MAGI2: variants seen among roughly 807,000 people sequenced by gnomAD.
MAGI2 encodes the protein membrane associated guanylate kinase, WW and PDZ domain containing 2, also known as membrane-associated guanylate kinase, WW and PDZ domain-containing protein 2.
In MAGI2, 35 loss-of-function variants were observed where a neutral mutation model predicts 133.3. The observed-to-expected ratio is 0.26, with a 90% confidence interval of 0.20 to 0.35. The LOEUF (loss-of-function observed/expected upper bound fraction) is 0.35. Among genes scored for constraint, MAGI2 ranks in the 10% least tolerant of loss-of-function variants. The pLI is 1.00. For synonymous variants in MAGI2, 729 were observed against 710.6 expected (o/e 1.03, Z -0.41); for missense variants, 1,636 against 1,863.4 (o/e 0.88, Z 2.25).
intron 2 of MAGI2, among the ~76,000 whole-genome samples, chr7:78,827,395 C>T (rs1790757259): frequency 6.6e-6 from 1 of 152,152 alleles, no homozygotes; most frequent in African/African-American, 2.4e-5. Context: ...CCTCCTGCCT[C>T]AGCCTCCTGA....
At chr7:79,026,799 G>A (rs1235702314) in intron 1 of MAGI2, among the ~76,000 whole-genome samples, 1 of 151,770 alleles carries the variant, frequency 6.6e-6, no homozygotes. Flanking sequence ...CTTGAGCCCC[G>A]AGAGGCGGAG....
At chr7:79,432,744 CT>C (rs1847860000) in intron 1 of MAGI2, among the ~76,000 whole-genome samples, 1 of 152,156 alleles carries the variant, frequency 6.6e-6, no homozygotes, top group Non-Finnish European at 1.5e-5. Context: ...GTCTATTCCC[CT>C]GTCAGAAAAT....
At chr7:79,083,650 G>T (rs1816246721) in intron 1 of MAGI2, among the ~76,000 whole-genome samples, 1 of 151,506 alleles carries the variant, frequency 6.6e-6, no homozygotes, top group Non-Finnish European at 1.5e-5. Context: ...TTATGTATTT[G>T]TTGGGTTATT....
At chr7:78,992,863 T>C (rs1805918582) in intron 2 of MAGI2, among the ~76,000 whole-genome samples, 1 of 152,076 alleles carries the variant, frequency 6.6e-6, no homozygotes, top group Non-Finnish European at 1.5e-5. Flanking sequence ...TTTACTTTTT[T>C]CAAACTATAA....
chr7:78,802,873 C>T (rs1473010391), intron 2 of MAGI2, among the ~76,000 whole-genome samples: 2 of 151,198 alleles, frequency 1.3e-5, no homozygotes, highest in South Asian at 2.1e-4. Flanking sequence ...ATCTCCATAC[C>T]TTCTGCTCAA....
At chr7:78,702,092 T>C (rs1057156717) in intron 2 of MAGI2, among the ~76,000 whole-genome samples, 1 of 152,030 alleles carries the variant, frequency 6.6e-6, no homozygotes, top group Non-Finnish European at 1.5e-5. Context: ...AGTGCAATTA[T>C]GTCTAGAGTT....
intron 2 of MAGI2, among the ~76,000 whole-genome samples, chr7:78,732,803 T>G (rs914452910): frequency 2.2e-5 from 3 of 136,078 alleles, no homozygotes; most frequent in Non-Finnish European, 4.9e-5. Context: ...TTTTTTGTAT[T>G]TTAAAATTTT....
At chr7:79,058,779 T>C (rs1018874252) in intron 1 of MAGI2, among the ~76,000 whole-genome samples, 2 of 152,072 alleles carry the variant, frequency 1.3e-5, no homozygotes, top group African/African-American at 4.8e-5. Flanking sequence ...CTGAATAGAA[T>C]TGCAGTGGAC....
chr7:78,276,176 G>C (rs1795039192), intron 9 of MAGI2, among the ~76,000 whole-genome samples: 1 of 152,164 alleles, frequency 6.6e-6, no homozygotes, highest in Non-Finnish European at 1.5e-5. Flanking sequence ...AAGTCTGCTA[G>C]TCGATCTTTC....
chr7:79,325,999 C>T (rs1839667825), intron 1 of MAGI2, among the ~76,000 whole-genome samples: 1 of 152,082 alleles, frequency 6.6e-6, no homozygotes, highest in African/African-American at 2.4e-5. Flanking sequence ...AAACTTCCTC[C>T]AATTGTGAAT....
chr7:78,927,474 T>C (rs952175999), intron 2 of MAGI2, among the ~76,000 whole-genome samples: 1 of 151,906 alleles, frequency 6.6e-6, no homozygotes, highest in African/African-American at 2.4e-5. Flanking sequence ...GTGAACGTCA[T>C]TTTCTACACT....
At chr7:78,936,799 A>G (rs1177890237) in intron 2 of MAGI2, among the ~76,000 whole-genome samples, 1 of 152,118 alleles carries the variant, frequency 6.6e-6, no homozygotes, top group Non-Finnish European at 1.5e-5. Flanking sequence ...GAAGGCAAGA[A>G]TAACTATGGT....
At chr7:79,397,902 A>G (rs1350806589) in intron 1 of MAGI2, among the ~76,000 whole-genome samples, 1 of 152,126 alleles carries the variant, frequency 6.6e-6, no homozygotes, top group Non-Finnish European at 1.5e-5. Context: ...ATTTTATCAT[A>G]TAGTTTCAAA....
chr7:78,079,864 C>G (rs1815760368), intron 20 of MAGI2, among the ~76,000 whole-genome samples: 1 of 152,176 alleles, frequency 6.6e-6, no homozygotes, highest in Non-Finnish European at 1.5e-5. Flanking sequence ...GAGGTTCAAC[C>G]ATGAGCACAT....
At chr7:79,141,437 AT>A (rs1212763909) in intron 1 of MAGI2, among the ~76,000 whole-genome samples, 1 of 152,172 alleles carries the variant, frequency 6.6e-6, no homozygotes, top group East Asian at 1.9e-4. Context: ...TCATACATGT[AT>A]TAATGTAACA....
chr7:78,991,685 G>C (rs954983789), intron 2 of MAGI2, among the ~76,000 whole-genome samples: 2 of 151,130 alleles, frequency 1.3e-5, no homozygotes, highest in Non-Finnish European at 2.9e-5. Context: ...AGGTAAGGAT[G>C]TACCAATCCA....
Position 79,070,889 on chromosome 7 carries a change from A to G in MAGI2, c.302-63683T>C, listed in dbSNP as rs544203198. On this transcript the variant is annotated intron_variant, in intron 1 of 21. Transcript: ENST00000354212. ...TAGCTTCCTTGCATTGGGTTAGAAC[A>G]TGCTCCTCTAGCTCAGAAGAGTTTG... Among the ~76,000 whole-genome samples, 15 of 152,268 alleles carry G rather than the reference A, an allele frequency of 9.9e-5. No homozygotes were observed. The South Asian group carries it at 2.3e-3, about 23-fold the overall frequency.
At chr7:78,296,735 A>T (rs573346530) in intron 9 of MAGI2, among the ~76,000 whole-genome samples, 1 of 152,306 alleles carries the variant, frequency 6.6e-6, no homozygotes, top group African/African-American at 2.4e-5. Context: ...TGCTTGCTTA[A>T]GCATCAGAGG....
intron 1 of MAGI2, among the ~76,000 whole-genome samples, chr7:79,185,505 C>T (rs966646381): frequency 7.1e-6 from 1 of 139,986 alleles, no homozygotes; most frequent in Admixed American, 7.8e-5. Context: ...CAGTTGGTTA[C>T]CAATTTGGTC....
Sources: gnomAD v4.1 joint callset for allele counts (sites outside exome capture counted in the v4.1 genomes callset) on GRCh38, gnomAD v4.1.1 for gene constraint, MANE v1.5 for transcripts, NCBI Gene and HGNC (gene_info 2026-07-23, HGNC 2026-07-21) for gene names.